The following EYS variants were observed in gnomAD, a reference collection of about 807,000 sequenced individuals.
The protein encoded by EYS is EGF-like photoreceptor maintenance factor, also known as protein eyes shut homolog.
Under a neutral mutation model 282.1 loss-of-function variants are expected in EYS, and 250 were observed. The ratio of observed to expected loss-of-function variants is 0.89; its 90% CI spans 0.80 to 0.98. The LOEUF is 0.98. Ranked by LOEUF, EYS falls within the 50% of genes least tolerant of loss-of-function variation. The probability of loss-of-function intolerance (pLI) is 0.00; values close to 1 mark genes in which losing one functional copy is unlikely to be tolerated. For missense variants in EYS, 4,016 were observed against 3,709.0 expected (o/e 1.08, Z -2.15); for synonymous variants, 1,355 against 1,282.9 (o/e 1.06, Z -1.20).
At chr6:64,490,538 C>T (rs1377992137) in intron 26 of EYS, among the ~76,000 whole-genome samples, 1 of 150,620 alleles carries the variant, frequency 6.6e-6, no homozygotes, top group Non-Finnish European at 1.5e-5. Context: ...TGACAGAAAC[C>T]TCTGGTTTGT....
At chr6:64,004,713 TG>T (rs1768262293) in intron 33 of EYS, among the ~76,000 whole-genome samples, 1 of 152,166 alleles carries the variant, frequency 6.6e-6, no homozygotes, top group African/African-American at 2.4e-5. Flanking sequence ...CGAGATTGTG[TG>T]GTATTTGGTT....
At chr6:64,872,767 G>T (rs1238203562) in intron 19 of EYS, among the ~76,000 whole-genome samples, 2 of 151,972 alleles carry the variant, frequency 1.3e-5, no homozygotes, top group East Asian at 3.9e-4. Flanking sequence ...AACATAAACA[G>T]CATGAGTCAG....
intron 12 of EYS, among the ~76,000 whole-genome samples, chr6:65,223,985 T>A (rs924331061): frequency 6.6e-5 from 10 of 152,154 alleles, no homozygotes; most frequent in African/African-American, 1.4e-4. Context: ...GAGTGTCCTG[T>A]CTCACTAGAC....
At chr6:63,805,449 A>C (rs140485891) in intron 37 of EYS, among the ~76,000 whole-genome samples, 242 of 152,350 alleles carry the variant, frequency 1.6e-3, no homozygotes, top group African/African-American at 5.5e-3. Context: ...TAACACATGG[A>C]AAAATGAGAA....
At chr6:64,212,531 C>T (rs1353014044) in intron 31 of EYS, among the ~76,000 whole-genome samples, 2 of 151,532 alleles carry the variant, frequency 1.3e-5, no homozygotes, top group Non-Finnish European at 2.9e-5. Flanking sequence ...CCAAATCTAG[C>T]TCACAACCTG....
intron 2 of EYS, among the ~76,000 whole-genome samples, chr6:65,611,666 T>C (rs774194338): frequency 1.3e-5 from 2 of 152,138 alleles, no homozygotes; most frequent in African/African-American, 2.4e-5. Flanking sequence ...TGTAATAGTA[T>C]GGCATTTGCG....
intron 1 of EYS, among the ~76,000 whole-genome samples, chr6:65,701,938 C>A (rs1323516236): frequency 6.6e-6 from 1 of 152,136 alleles, no homozygotes; most frequent in African/African-American, 2.4e-5. Flanking sequence ...GACTTCAGTG[C>A]AAACCCACAA....
In EYS at chr6:64,590,895, T is replaced by TAAC; in HGVS notation, c.4969_4971dup (p.Val1657dup). On this transcript the variant is annotated inframe_insertion, in exon 26 of 43. Transcript: ENST00000503581. ...AAACAAGTCTTATCCAAACATAAAT[T>TAAC]AACATCCAAATTACTTGATAGGGTA... is the stretch of plus-strand genomic sequence containing the variant. The TAAC allele has an allele frequency of 6.4e-7, 1 of 1,550,472 alleles. No individual in the cohort carries two copies. The highest frequency in any genetic ancestry group is 1.4e-5 in the African/African-American group (1 of 73,120).
At chr6:65,212,309 T>C (rs765089999) in intron 12 of EYS, among the ~76,000 whole-genome samples, 6 of 152,000 alleles carry the variant, frequency 3.9e-5, no homozygotes, top group African/African-American at 7.2e-5. Flanking sequence ...AAAGGTATTT[T>C]CCAGGAAGAA....
intron 19 of EYS, 55 bp from the exon 20 acceptor site, chr6:64,822,877 A>G: frequency 1.4e-6 from 2 of 1,452,600 alleles, no homozygotes; most frequent in Non-Finnish European, 1.9e-6. Flanking sequence ...AAAACTCTTA[A>G]AAGTTTGTTC....
At chr6:64,061,437 A>G (rs1482237008) in intron 33 of EYS, among the ~76,000 whole-genome samples, 1 of 152,174 alleles carries the variant, frequency 6.6e-6, no homozygotes, top group Non-Finnish European at 1.5e-5. Context: ...CATGAGTATG[A>G]ATTACAGTGT....
chr6:63,952,043 C>G (rs1170145222), intron 35 of EYS, among the ~76,000 whole-genome samples: 3 of 152,106 alleles, frequency 2.0e-5, no homozygotes, highest in African/African-American at 7.2e-5. Flanking sequence ...TGTACAATAA[C>G]AGAGAAGAGT....
chr6:64,988,250 G>A (rs1770932959), intron 14 of EYS, among the ~76,000 whole-genome samples: 1 of 151,490 alleles, frequency 6.6e-6, no homozygotes, highest in South Asian at 2.1e-4. Context: ...GAGAGATCAG[G>A]CTGAGGTGTT....
At chr6:64,815,600 C>A (rs902940666) in intron 21 of EYS, among the ~76,000 whole-genome samples, 2 of 151,920 alleles carry the variant, frequency 1.3e-5, no homozygotes, top group Non-Finnish European at 2.9e-5. Flanking sequence ...TAAAAGGATG[C>A]CTTTCGTTTT....
intron 33 of EYS, among the ~76,000 whole-genome samples, chr6:64,025,788 A>G (rs867120208): frequency 2.0e-5 from 3 of 152,138 alleles, no homozygotes; most frequent in Non-Finnish European, 4.4e-5. Context: ...CACTCTTCCA[A>G]CCCTGGAGAT....
At chr6:63,731,654 A>T (rs1285487966) in intron 41 of EYS, among the ~76,000 whole-genome samples, 3 of 152,116 alleles carry the variant, frequency 2.0e-5, no homozygotes, top group African/African-American at 7.2e-5. Context: ...ATAAATTTGT[A>T]TGTTTTTAAA....
At chr6:65,036,705 A>T (rs1317771679) in intron 13 of EYS, among the ~76,000 whole-genome samples, 1 of 151,600 alleles carries the variant, frequency 6.6e-6, no homozygotes, top group African/African-American at 2.4e-5. Flanking sequence ...CTAAATCTAT[A>T]AAAAAAAGTT....
chr6:65,593,946 C>T (rs1021710585), intron 2 of EYS, among the ~76,000 whole-genome samples: 4 of 152,004 alleles, frequency 2.6e-5, no homozygotes, highest in Admixed American at 1.3e-4. Context: ...AAACAAGGAA[C>T]TTGGAGCATA....
rs1215112316 is a variant in EYS, at chr6:64,005,740, C to CT, written c.6726-6558dup. On this transcript the variant is annotated intron_variant, in intron 33 of 42. Coordinates refer to ENST00000503581, the MANE Select transcript of EYS (RefSeq NM_001142800.2). ...TTGAATAGGGAGTCCTTTCCCATTG[C>CT]TTTTTTTGTTAACTTTATTGAAGAT... Among the ~76,000 whole-genome samples, 4 of 152,072 alleles carry CT rather than the reference C, an allele frequency of 2.6e-5. No homozygotes were observed. In the East Asian group the frequency reaches 5.8e-4, roughly 22 times the overall value.
Sources: gnomAD v4.1 joint callset for allele counts (sites outside exome capture counted in the v4.1 genomes callset) on GRCh38, gnomAD v4.1.1 for gene constraint, MANE v1.5 for transcripts, NCBI Gene and HGNC (gene_info 2026-07-23, HGNC 2026-07-21) for gene names.